MGST1: variants seen among roughly 807,000 people sequenced by gnomAD.
MGST1 encodes glutathione S-transferase 12.
In MGST1, 5 loss-of-function variants were observed where a neutral mutation model predicts 8.9. That is an observed-to-expected ratio of 0.56 (90% CI 0.29 to 1.19). MGST1 has a LOEUF of 1.19. MGST1 is among the 50% of genes most tolerant of loss of function. MGST1 has a pLI of 0.08. For missense variants in MGST1, 182 were observed against 187.4 expected (o/e 0.97, Z 0.17); for synonymous variants, 54 against 67.8 (o/e 0.80, Z 1.00).
intron 4 of MGST1, among the ~76,000 whole-genome samples, chr12:16,464,849 A>G (rs1383307904): frequency 2.0e-5 from 3 of 152,184 alleles, no homozygotes; most frequent in South Asian, 2.1e-4. Flanking sequence ...TTTTTCAATA[A>G]CTTATACACA....
intron 4 of MGST1, among the ~76,000 whole-genome samples, chr12:16,535,691 C>G (rs949569240): frequency 6.6e-6 from 1 of 152,054 alleles, no homozygotes; most frequent in Non-Finnish European, 1.5e-5. Context: ...AATCGTGGTC[C>G]TCATTAGCAA....
chr12:16,545,890 C>G (rs1030252649), intron 4 of MGST1, among the ~76,000 whole-genome samples: 1 of 145,482 alleles, frequency 6.9e-6, no homozygotes, highest in Non-Finnish European at 1.5e-5. Context: ...TTCCCAGGAG[C>G]TAGAAAAAAT....
intron 4 of MGST1, among the ~76,000 whole-genome samples, chr12:16,510,295 G>A (rs1941568249): frequency 6.6e-6 from 1 of 151,996 alleles, no homozygotes; most frequent in African/African-American, 2.4e-5. Context: ...GAAAGAGAGA[G>A]AACCGAAGAA....
intron 1 of MGST1, among the ~76,000 whole-genome samples, chr12:16,422,765 A>G (rs546570894): frequency 4.8e-4 from 73 of 152,288 alleles, no homozygotes; most frequent in South Asian, 1.2e-3. Context: ...TTACTAAGAC[A>G]ATGCTTTTCT....
intron 4 of MGST1, among the ~76,000 whole-genome samples, chr12:16,580,010 T>G (rs1943110647): frequency 6.6e-6 from 1 of 152,226 alleles, no homozygotes; most frequent in Admixed American, 6.5e-5. Context: ...CAGGATCAGT[T>G]TATCATCTCA....
At chr12:16,532,370 A>G (rs931647494) in intron 4 of MGST1, among the ~76,000 whole-genome samples, 3 of 152,122 alleles carry the variant, frequency 2.0e-5, no homozygotes, top group African/African-American at 7.2e-5. Flanking sequence ...AAATTGAACT[A>G]AAATGGTTGC....
intron 4 of MGST1, chr12:16,549,556 T>C (rs1333146137): frequency 6.6e-6 from 1 of 152,572 alleles, no homozygotes; most frequent in Non-Finnish European, 1.5e-5. Context: ...AATTTTCATC[T>C]GTAATGCATA....
At chr12:16,523,209 A>G (rs1045119617) in intron 4 of MGST1, among the ~76,000 whole-genome samples, 5 of 152,088 alleles carry the variant, frequency 3.3e-5, no homozygotes, top group Non-Finnish European at 5.9e-5. Context: ...TTGATTGAAT[A>G]GAGAAATGTT....
chr12:16,415,070 T>C (rs1157677677), intron 1 of MGST1, among the ~76,000 whole-genome samples: 1 of 152,200 alleles, frequency 6.6e-6, no homozygotes, highest in Non-Finnish European at 1.5e-5. Context: ...TAGCATGTAT[T>C]GTAGGTCAAA....
intron 4 of MGST1, among the ~76,000 whole-genome samples, chr12:16,535,317 CAA>C (rs1941749212): frequency 6.6e-6 from 1 of 152,152 alleles, no homozygotes; most frequent in African/African-American, 2.4e-5. Context: ...GCTGTGGGCT[CAA>C]TGTATAATAT....
At chr12:16,553,130 A>T (rs1240941698) in intron 4 of MGST1, among the ~76,000 whole-genome samples, 1 of 152,172 alleles carries the variant, frequency 6.6e-6, no homozygotes, top group Admixed American at 6.5e-5. Context: ...ATGTATGTAC[A>T]TGATCACATT....
At chr12:16,385,183 C>T (rs951429704) in intron 1 of MGST1, among the ~76,000 whole-genome samples, 8 of 152,256 alleles carry the variant, frequency 5.3e-5, no homozygotes, top group South Asian at 2.1e-4. Flanking sequence ...AAGATCGCCT[C>T]CCCAGTATAA....
chr12:16,381,596 G>T (rs538166508), downstream of MGST1, among the ~76,000 whole-genome samples: 2 of 152,134 alleles, frequency 1.3e-5, no homozygotes, highest in South Asian at 4.2e-4. Context: ...TTCAACTTTG[G>T]TGAATCTCAC....
downstream of MGST1, among the ~76,000 whole-genome samples, chr12:16,590,612 A>C (rs1243833085): frequency 6.6e-6 from 1 of 151,998 alleles, no homozygotes; most frequent in Admixed American, 6.6e-5. Flanking sequence ...TTAAAAAAAA[A>C]AATCGGTATC....
At chr12:16,479,517 A>G (rs1236996484) in intron 4 of MGST1, among the ~76,000 whole-genome samples, 1 of 143,592 alleles carries the variant, frequency 7.0e-6, no homozygotes, top group Non-Finnish European at 1.5e-5. Context: ...TACAGGCGTG[A>G]GCCACTGCGC....
In MGST1 at chr12:16,548,888, A is replaced by T. The variant is rs1246265338; in HGVS notation, n.483-40640A>T. 1.3e-5 allele frequency: 2 copies of T among 152,182 alleles called. No individual in the cohort carries two copies. Among genetic ancestry groups the T allele is most frequent in the Non-Finnish European group, 2.9e-5 (2 of 68,024 alleles). 9.4% of individuals were successfully genotyped at this position (152,182 alleles called of 1,614,324 possible). Reference sequence around the variant, plus strand: ...AGTAATTTTGTTTGTAGTAAAAAGCATAAGAAATAATTCTCAGCATATTAT... The same window carrying T: ...AGTAATTTTGTTTGTAGTAAAAAGCTTAAGAAATAATTCTCAGCATATTAT... On this transcript the variant is annotated intron_variant and non_coding_transcript_variant, in intron 4 of 4. Transcript: ENST00000538857. The surrounding 1 kb of genome is among the most constrained non-coding windows in gnomAD (Gnocchi z 4.2).
chr12:16,491,584 T>A (rs1197731198), intron 4 of MGST1, among the ~76,000 whole-genome samples: 1 of 149,314 alleles, frequency 6.7e-6, no homozygotes, highest in Non-Finnish European at 1.5e-5. Flanking sequence ...CTCTTTTGCC[T>A]GTTAGCTTGA....
intron 4 of MGST1, among the ~76,000 whole-genome samples, chr12:16,570,987 A>G (rs1173095703): frequency 6.6e-6 from 1 of 152,152 alleles, no homozygotes; most frequent in Admixed American, 6.5e-5. Context: ...TACATATGTA[A>G]CTAACCTGCA....
chr12:16,357,087 CT>C (rs1441303541), intron 2 of MGST1, among the ~76,000 whole-genome samples: 1 of 152,106 alleles, frequency 6.6e-6, no homozygotes, highest in African/African-American at 2.4e-5. Flanking sequence ...ATTTATGCTT[CT>C]CTTTTTACAA....
Sources: allele counts gnomAD v4.1 joint callset (sites outside exome capture counted in the v4.1 genomes callset), GRCh38; gene constraint gnomAD v4.1.1; non-coding constraint Gnocchi (gnomAD v3.1); transcripts MANE v1.5; gene names NCBI Gene and HGNC (gene_info 2026-07-23, HGNC 2026-07-21).